The following GAB4 variants were observed in gnomAD, a reference collection of about 807,000 sequenced individuals.
GAB4 encodes the protein GRB2-associated-binding protein 4.
In GAB4, 26 loss-of-function variants were observed where a neutral mutation model predicts 51.3. The observed-to-expected ratio is 0.51, with a 90% CI of 0.37 to 0.70. The LOEUF (loss-of-function observed/expected upper bound fraction) is 0.70, where lower values mean the gene tolerates loss of function less well. Ranked by LOEUF, GAB4 falls within the 30% of genes least tolerant of loss-of-function variation. GAB4 has a pLI of 0.00. For synonymous variants in GAB4, 329 were observed against 291.2 expected, an observed-to-expected ratio of 1.13 and a Z score of -1.32; for missense variants, 759 against 734.6, an observed-to-expected ratio of 1.03 and a Z score of -0.38.
rs374597997 is a variant in GAB4, at chr22:17,007,920, C to T, written c.174+21G>A. ...AGACCCTCCGTGGCGCTCCTGGTAC[C>T]GCCCCCACTGCCCCACTCACAAAGA... On this transcript the variant is annotated intron_variant, in intron 1 of 9. Coordinates refer to ENST00000400588, the MANE Select transcript of GAB4 (RefSeq NM_001037814.1). 7 of 1,458,456 alleles carry T rather than the reference C, an allele frequency of 4.8e-6. No homozygotes were observed. The African/African-American group carries it at 8.2e-5, about 17-fold the overall frequency. The allele number at this position is 1,458,456 out of a possible 1,614,324, so 90.3% of individuals were successfully genotyped here. A position where few individuals can be genotyped will look rare whatever the true frequency, so the allele number is the denominator to read the frequency against.
At chr22:16,968,046 A>G (rs1055714272) in intron 5 of GAB4, among the ~76,000 whole-genome samples, 12 of 152,118 alleles carry the variant, frequency 7.9e-5, no homozygotes, top group African/African-American at 2.9e-4. Flanking sequence ...AGCATTCTGC[A>G]CCCTCTGCTA....
At chr22:16,981,514 T>G (rs2060827351) in intron 3 of GAB4, among the ~76,000 whole-genome samples, 2 of 151,984 alleles carry the variant, frequency 1.3e-5, no homozygotes, top group Non-Finnish European at 2.9e-5. Flanking sequence ...TGCCAAAAAT[T>G]GGAAAACCTG....
chr22:16,966,454 G>A (rs1320176636), intron 5 of GAB4, 90 bp from the exon 6 acceptor site: 1 of 1,349,124 alleles, frequency 7.4e-7, no homozygotes, highest in Admixed American at 2.3e-5. Flanking sequence ...AAAGAGTCAT[G>A]ACGGGGTGTT....
At position 16,970,106 on chromosome 22, in the gene GAB4, G is replaced by A. The variant is rs1377690838; in HGVS notation, c.774C>T (p.Tyr258=). The A allele has an allele frequency of 6.2e-7, 1 of 1,614,162 alleles. No homozygotes were observed. The highest frequency in any genetic ancestry group is 8.5e-7 in the Non-Finnish European group (1 of 1,180,030). The part of the protein sequence containing the change: ...AMQNLAQHSG[Y]SVDGVSGHIH... The stretch of plus-strand genomic sequence containing the variant: ...TGTGACCGCTGACCCCATCAACACT[G>A]TATCCACTGTGCTGGGCAAGATTTT... Residue 258 remains tyrosine (Y), a synonymous_variant, in exon 4 of 10, where the codon TAC becomes TAT. Coordinates refer to ENST00000400588, the MANE Select transcript of GAB4 (RefSeq NM_001037814.1).
intron 1 of GAB4, among the ~76,000 whole-genome samples, chr22:16,993,929 G>C (rs1261596912): frequency 6.6e-6 from 1 of 152,140 alleles, no homozygotes; most frequent in Non-Finnish European, 1.5e-5. Context: ...GGAACACAGA[G>C]AGTTCATCCA....
chr22:16,996,093 C>G (rs1262116364), intron 1 of GAB4, among the ~76,000 whole-genome samples: 1 of 151,638 alleles, frequency 6.6e-6, no homozygotes, highest in African/African-American at 2.4e-5. Context: ...ACTAGGATAA[C>G]CAGTTTAGAG....
intron 3 of GAB4, 67 bp from the exon 4 acceptor site, chr22:16,970,260 C>G (rs953095232): frequency 1.5e-5 from 23 of 1,570,068 alleles, no homozygotes; most frequent in Non-Finnish European, 1.8e-5. Context: ...GGGAGGCAGG[C>G]GGGGAAGTTC....
intron 3 of GAB4, among the ~76,000 whole-genome samples, chr22:16,974,970 G>A (rs2060765016): frequency 1.3e-5 from 2 of 152,192 alleles, no homozygotes; most frequent in Admixed American, 1.3e-4. Context: ...GAGGAATGGT[G>A]CATTCTGGCC....
chr22:16,969,904 G>C (rs780817915), intron 4 of GAB4, 39 bp downstream of exon 4: 1 of 1,612,954 alleles, frequency 6.2e-7, no homozygotes, highest in Non-Finnish European at 8.5e-7. Context: ...CCAAACTCCT[G>C]GAACAGGGTG....
rs537186818 is a variant in GAB4, at chr22:16,966,080, T to C, written c.1288+20A>G. On this transcript the variant is annotated intron_variant, in intron 6 of 9. Coordinates refer to ENST00000400588, the MANE Select transcript of GAB4 (RefSeq NM_001037814.1). ...AGAGTCCCTGGACATTGTCAAGAAA[T>C]AGAATGGGGAAAGACTTACCCTTCT... 4 of 1,611,510 alleles carry C rather than the reference T, an allele frequency of 2.5e-6. No homozygotes were observed. The highest frequency in any genetic ancestry group is 2.2e-5 in the South Asian group (2 of 91,008).
At chr22:16,973,712 C>A (rs1369499660) in intron 3 of GAB4, among the ~76,000 whole-genome samples, 1 of 152,226 alleles carries the variant, frequency 6.6e-6, no homozygotes, top group Non-Finnish European at 1.5e-5. Flanking sequence ...AGCACCTGGG[C>A]TCCCATCAGC....
chr22:16,966,224 T>C lies in GAB4; in HGVS notation c.1164A>G (p.Ser388=), dbSNP rs375569869. The change falls in exon 6 of 10, where the codon TCA becomes TCG. Residue 388 remains serine (S), a synonymous_variant. Coordinates refer to ENST00000400588, the MANE Select transcript of GAB4 (RefSeq NM_001037814.1). ...CAAGCAGGTCAAAGCGAACAAGACA[T>C]GAGCCCACAGGGATGCAGACACCCT... is the stretch of plus-strand genomic sequence containing the variant. ...DSQGVCIPVG[S]CLVRFDLLGS... is the part of the protein sequence containing the mutation. 11 of 1,613,916 alleles carry C rather than the reference T, an allele frequency of 6.8e-6. No homozygotes were observed. The highest frequency in any genetic ancestry group is 6.6e-5 in the South Asian group (6 of 91,090).
At chr22:16,971,687 G>A (rs951997511) in intron 3 of GAB4, among the ~76,000 whole-genome samples, 7 of 152,170 alleles carry the variant, frequency 4.6e-5, no homozygotes, top group African/African-American at 1.2e-4. Context: ...ATTTGCATGC[G>A]GTTTCTAGGG....
intron 1 of GAB4, among the ~76,000 whole-genome samples, chr22:16,994,494 A>G (rs1183224987): frequency 3.3e-5 from 5 of 152,188 alleles, no homozygotes; most frequent in African/African-American, 1.2e-4. Flanking sequence ...ATGTAGTGTG[A>G]GCATAGCAGG....
chr22:17,008,059 A>C lies in GAB4; in HGVS notation c.56T>G (p.Phe19Cys). 1.2e-6 allele frequency: 2 copies of C among 1,608,320 alleles called. No individual in the cohort carries two copies. Among genetic ancestry groups the C allele is most frequent in the East Asian group, 2.2e-5 (1 of 44,708 alleles). ...SRELCPPDPA[F>C]APLSSWPGSG... ...TCCGGGCCACGAAGACAAAGGCGCA[A>C]ATGCCGGGTCAGGTGGGCACAGCTC... Residue 19 changes from phenylalanine to cysteine, a missense_variant, in exon 1 of 10, where the codon TTT (phenylalanine) becomes TGT (cysteine). Phe to Cys is a radical substitution (Grantham distance 205). This residue lies in a region of GAB4 where 83 missense variants were observed against 73.1 expected (regional missense o/e 1.14). Coordinates refer to ENST00000400588, the MANE Select transcript of GAB4 (RefSeq NM_001037814.1).
intron 3 of GAB4, 71 bp from the exon 4 acceptor site, chr22:16,970,264 G>A: frequency 6.5e-7 from 1 of 1,541,756 alleles, no homozygotes; most frequent in South Asian, 1.2e-5. Flanking sequence ...GGCAGGCGGG[G>A]AAGTTCACAG....
intron 8 of GAB4, 39 bp downstream of exon 8, chr22:16,964,727 A>C: frequency 7.1e-7 from 1 of 1,412,776 alleles, no homozygotes; most frequent in Non-Finnish European, 1.0e-6. Flanking sequence ...GTCCCAGGGG[A>C]CTCTGATAGG....
chr22:16,966,862 G>A, intron 5 of GAB4: 1 of 165,676 alleles, frequency 6.0e-6, no homozygotes, highest in South Asian at 1.6e-4. Flanking sequence ...AAGCCACATG[G>A]GTGTGGTGTA....
intron 5 of GAB4, 75 bp from the exon 6 acceptor site, chr22:16,966,439 G>T: frequency 6.9e-7 from 1 of 1,444,768 alleles, no homozygotes; most frequent in African/African-American, 1.4e-5. Context: ...TCTAGACAAG[G>T]CCAAAAAGAG....
Sources: allele counts gnomAD v4.1 joint callset (sites outside exome capture counted in the v4.1 genomes callset), GRCh38; gene constraint gnomAD v4.1.1; regional missense constraint gnomAD v4.1.1; transcripts MANE v1.5; gene names NCBI Gene and HGNC (gene_info 2026-07-23, HGNC 2026-07-21).